The following MOB3B variants were observed in gnomAD, a reference collection of about 807,000 sequenced individuals.
MOB3B encodes the protein MOB kinase activator 3B, also known as MOB kinase activator-like 2B.
MOB3B carries 7 observed loss-of-function variants against 18.7 expected under a neutral mutation model. That is an observed-to-expected ratio of 0.37 (90% CI 0.21 to 0.70). MOB3B has a LOEUF of 0.70. MOB3B is among the 30% of genes least tolerant of loss of function. The pLI is 0.52. For synonymous variants in MOB3B, 111 were observed against 99.9 expected, an observed-to-expected ratio of 1.11 and a Z score of -0.66; for missense variants, 253 against 281.3, an observed-to-expected ratio of 0.90 and a Z score of 0.72.
intron 2 of MOB3B, among the ~76,000 whole-genome samples, chr9:27,444,241 A>AGGG (rs1429979112): frequency 0.29 from 19,163 of 66,742 alleles, 4,339 homozygotes; most frequent in Non-Finnish European, 0.33. Context: ...GGAGGGAGGG[A>AGGG]AGGAAGGAAG....
chr9:27,400,479 G>T (rs1161435518), intron 2 of MOB3B, among the ~76,000 whole-genome samples: 1 of 152,138 alleles, frequency 6.6e-6, no homozygotes, highest in Non-Finnish European at 1.5e-5. Context: ...CAGGCACACA[G>T]TTACCTTTCA....
At chr9:27,520,444 G>A (rs1020574358) in intron 1 of MOB3B, among the ~76,000 whole-genome samples, 20 of 152,180 alleles carry the variant, frequency 1.3e-4, no homozygotes, top group African/African-American at 4.3e-4. Context: ...TATGCCAGAC[G>A]AATTTAGGAG....
chr9:27,342,806 C>T (rs1352418341), intron 3 of MOB3B, among the ~76,000 whole-genome samples: 2 of 151,760 alleles, frequency 1.3e-5, no homozygotes, highest in Middle Eastern at 3.4e-3. Flanking sequence ...GGCCTGATCT[C>T]CGCTCGCTAC....
intron 1 of MOB3B, among the ~76,000 whole-genome samples, chr9:27,510,921 C>T (rs1820132334): frequency 1.3e-5 from 2 of 152,252 alleles, no homozygotes; most frequent in South Asian, 4.1e-4. Context: ...GGCATTAGTG[C>T]CTTTTCCTCC....
rs1275977644 is a variant in MOB3B, at chr9:27,328,552, A to G, written c.*2035T>C. The stretch of plus-strand genomic sequence containing the variant: ...CACAGTTAATAAAAAATAACCTTAA[A>G]AAGAATGAATAACAAAGGTCTCCAG... On this transcript the variant is annotated 3_prime_UTR_variant, in exon 4 of 4. Coordinates refer to ENST00000262244, the MANE Select transcript of MOB3B (RefSeq NM_024761.5). The G allele has an allele frequency of 1.3e-5, 2 of 152,250 alleles. No homozygotes were observed. Among genetic ancestry groups the G allele is most frequent in the African/African-American group, 2.4e-5 (1 of 41,472 alleles). The allele number at this position is 152,250 out of a possible 1,614,324, so 9.4% of individuals were successfully genotyped here. A position where few individuals can be genotyped will look rare whatever the true frequency, so the allele number is the denominator to read the frequency against.
intron 3 of MOB3B, 76 bp downstream of exon 3, chr9:27,358,958 G>A (rs1821232432): frequency 1.4e-6 from 2 of 1,425,300 alleles, no homozygotes; most frequent in Middle Eastern, 1.7e-4. Flanking sequence ...CATTTTCCAG[G>A]GATTGACAAT....
intron 2 of MOB3B, among the ~76,000 whole-genome samples, chr9:27,403,097 G>A (rs1187401855): frequency 6.6e-6 from 1 of 152,172 alleles, no homozygotes; most frequent in African/African-American, 2.4e-5. Context: ...TGGCTCTGAT[G>A]ACCACTGGCT....
intron 3 of MOB3B, among the ~76,000 whole-genome samples, chr9:27,357,127 T>TATATATATATATATAC (rs1821201442): frequency 1.8e-5 from 1 of 57,070 alleles, no homozygotes; most frequent in African/African-American, 5.1e-5. Context: ...TGCAAATATA[T>TATATATATATATATAC]ATATATATAT....
intron 2 of MOB3B, among the ~76,000 whole-genome samples, chr9:27,362,715 G>T (rs1323580652): frequency 6.6e-6 from 1 of 152,180 alleles, no homozygotes; most frequent in Non-Finnish European, 1.5e-5. Flanking sequence ...ACCCCACTGG[G>T]TTCTCTGCTG....
intron 1 of MOB3B, among the ~76,000 whole-genome samples, chr9:27,508,468 T>C (rs1820091876): frequency 6.6e-6 from 1 of 152,146 alleles, no homozygotes; most frequent in African/African-American, 2.4e-5. Flanking sequence ...GCAGTTTCCC[T>C]GGGAACATGG....
At chr9:27,338,960 C>T (rs1412597829) in intron 3 of MOB3B, among the ~76,000 whole-genome samples, 1 of 152,174 alleles carries the variant, frequency 6.6e-6, no homozygotes, top group African/African-American at 2.4e-5. Flanking sequence ...ATCCTTGGTG[C>T]AGAGTGAGGG....
intron 3 of MOB3B, among the ~76,000 whole-genome samples, chr9:27,343,031 A>C (rs141713524): frequency 0.041 from 6,154 of 149,112 alleles, 313 homozygotes; most frequent in African/African-American, 0.12. Flanking sequence ...GTGGTTTTGT[A>C]GAATAGAAAA....
intron 2 of MOB3B, among the ~76,000 whole-genome samples, chr9:27,453,833 A>G (rs1277938137): frequency 6.6e-6 from 1 of 152,214 alleles, no homozygotes; most frequent in Admixed American, 6.5e-5. Flanking sequence ...AAAGTAGCCT[A>G]TGACAGTCAA....
intron 2 of MOB3B, among the ~76,000 whole-genome samples, chr9:27,454,479 T>C (rs1421959862): frequency 6.6e-6 from 1 of 152,194 alleles, no homozygotes; most frequent in Non-Finnish European, 1.5e-5. Context: ...ACCAGCATCA[T>C]GAAGAAATGT....
intron 2 of MOB3B, among the ~76,000 whole-genome samples, chr9:27,429,275 T>C (rs1235122749): frequency 6.6e-6 from 1 of 152,116 alleles, no homozygotes; most frequent in African/African-American, 2.4e-5. Flanking sequence ...CAATGAAATA[T>C]GGCCATCAAA....
chr9:27,394,811 T>C (rs534208656), intron 2 of MOB3B, among the ~76,000 whole-genome samples: 9 of 152,340 alleles, frequency 5.9e-5, no homozygotes, highest in African/African-American at 2.2e-4. Flanking sequence ...TAATAAAAAT[T>C]AGTAAAACAT....
At chr9:27,360,625 C>T (rs1296232566) in intron 2 of MOB3B, among the ~76,000 whole-genome samples, 1 of 152,174 alleles carries the variant, frequency 6.6e-6, no homozygotes, top group African/African-American at 2.4e-5. Context: ...GCCCCAAGTC[C>T]CCAGGAAGCC....
chr9:27,399,157 T>C (rs920329594), intron 2 of MOB3B, among the ~76,000 whole-genome samples: 20 of 152,184 alleles, frequency 1.3e-4, no homozygotes, highest in Admixed American at 1.2e-3. Flanking sequence ...CATTCTTCCC[T>C]ATCTCTCTCT....
At chr9:27,332,296 C>T (rs554476911) in intron 3 of MOB3B, among the ~76,000 whole-genome samples, 5 of 152,156 alleles carry the variant, frequency 3.3e-5, no homozygotes, top group Non-Finnish European at 7.3e-5. Context: ...CAGCTTTTGG[C>T]TTAACTCTTG....
Sources: gnomAD v4.1 joint callset for allele counts (sites outside exome capture counted in the v4.1 genomes callset) on GRCh38, gnomAD v4.1.1 for gene constraint, MANE v1.5 for transcripts, NCBI Gene and HGNC (gene_info 2026-07-23, HGNC 2026-07-21) for gene names.